The following ETFA variants were observed in gnomAD, a reference collection of about 807,000 sequenced individuals.
ETFA encodes the protein electron transfer flavoprotein subunit alpha, mitochondrial.
A neutral mutation model predicts 46.2 loss-of-function variants in ETFA; 22 were observed. The ratio of observed to expected loss-of-function variants is 0.48; its 90% CI spans 0.34 to 0.68. The LOEUF is 0.68. Among genes scored for constraint, ETFA ranks in the 30% least tolerant of loss-of-function variants. The pLI is 0.01. For missense variants in ETFA, 345 were observed against 401.1 expected, an observed-to-expected ratio of 0.86 and a Z score of 1.19; for synonymous variants, 131 against 139.9, an observed-to-expected ratio of 0.94 and a Z score of 0.45.
At chr15:76,260,904 C>G (rs942891288) in intron 9 of ETFA, 2 of 1,611,820 alleles carry the variant, frequency 1.2e-6, no homozygotes, top group African/African-American at 2.7e-5. Context: ...GACTTCCCAG[C>G]CTCCTGGGGC....
chr15:76,310,168 C>A (rs1447989033), intron 1 of ETFA: 1 of 155,460 alleles, frequency 6.4e-6, no homozygotes, highest in Non-Finnish European at 1.4e-5. Context: ...ATCGCTTGAA[C>A]CTGGGAGGCG....
intron 2 of ETFA, among the ~76,000 whole-genome samples, chr15:76,295,380 A>C (rs1327395290): frequency 6.6e-6 from 1 of 152,214 alleles, no homozygotes; most frequent in Non-Finnish European, 1.5e-5. Context: ...GAACTAAATC[A>C]AGTATTCTAC....
At position 76,260,838 on chromosome 15, in the gene ETFA, G is replaced by A. The variant is rs2039403268; in HGVS notation, c.816+13574C>T. On this transcript the variant is annotated intron_variant, in intron 9 of 11. Transcript: ENST00000557943. ...CACCCTGAGGCTGTAGCTGGTGGCA[G>A]GCACCAGGTCCCGGAGCAGGCAGGT... 15 of 1,611,272 alleles carry A rather than the reference G, an allele frequency of 9.3e-6. No individual in the cohort carries two copies. The East Asian group carries it at 3.1e-4, about 34-fold the overall frequency.
intron 1 of ETFA, among the ~76,000 whole-genome samples, chr15:76,300,617 T>C (rs1215995011): frequency 6.6e-6 from 1 of 152,226 alleles, no homozygotes; most frequent in East Asian, 1.9e-4. Context: ...TTTCTCTCAG[T>C]GATCGTTCCA....
At chr15:76,274,588 G>T in intron 8 of ETFA, 94 bp from the exon 9 acceptor site, 2 of 988,026 alleles carry the variant, frequency 2.0e-6, no homozygotes, top group Admixed American at 2.0e-5. Context: ...CATTGATTTA[G>T]AATTCTAAGT....
At chr15:76,283,940 C>A (rs2039680203) in intron 7 of ETFA, 115 bp from the exon 8 acceptor site, 8 of 718,316 alleles carry the variant, frequency 1.1e-5, no homozygotes, top group Non-Finnish European at 2.0e-5. Context: ...CCATATTAAG[C>A]ATGTCACCTC....
chr15:76,258,519 CTT>C (rs960395884), intron 9 of ETFA, among the ~76,000 whole-genome samples: 8 of 152,330 alleles, frequency 5.3e-5, no homozygotes, highest in African/African-American at 1.9e-4. Flanking sequence ...AAGAACATCT[CTT>C]TGTGACTTGG....
intron 9 of ETFA, among the ~76,000 whole-genome samples, chr15:76,241,006 C>A (rs2039180162): frequency 6.6e-6 from 1 of 151,402 alleles, no homozygotes; most frequent in South Asian, 2.1e-4. Context: ...GCTTCTATAC[C>A]AGTTCAGAGA....
intron 1 of ETFA, among the ~76,000 whole-genome samples, chr15:76,301,314 T>G (rs929271756): frequency 1.3e-5 from 2 of 152,246 alleles, no homozygotes; most frequent in Non-Finnish European, 2.9e-5. Flanking sequence ...CCTTTGATAC[T>G]GAGTACAGGA....
intron 2 of ETFA, among the ~76,000 whole-genome samples, chr15:76,295,070 T>G (rs535134621): frequency 6.6e-6 from 1 of 152,280 alleles, no homozygotes; most frequent in South Asian, 2.1e-4. Context: ...TCTAGAGGGT[T>G]AGTGTTCCAA....
intron 9 of ETFA, chr15:76,260,299 G>A (rs1451200557): frequency 3.1e-5 from 38 of 1,215,592 alleles, no homozygotes; most frequent in African/African-American, 7.5e-5. Flanking sequence ...GGCTCTCCCC[G>A]GGAAATGACA....
At chr15:76,239,023 T>C (rs895542458) in intron 9 of ETFA, among the ~76,000 whole-genome samples, 1 of 152,238 alleles carries the variant, frequency 6.6e-6, no homozygotes, top group African/African-American at 2.4e-5. Context: ...GCTCCTGTTT[T>C]ATTAGAATTC....
In ETFA at chr15:76,311,459, A is replaced by G. The variant is rs116149551; in HGVS notation, c.-71T>C. The G allele has an allele frequency of 1.1e-3, 1,695 of 1,528,614 alleles. 20 individuals are homozygous for G. The African/African-American group carries it at 0.019, about 17-fold the overall frequency. 94.7% of individuals were successfully genotyped at this position (1,528,614 alleles called of 1,614,324 possible). A position where few individuals can be genotyped will look rare whatever the true frequency, so the allele number is the denominator to read the frequency against. On this transcript the variant is annotated 5_prime_UTR_variant, in exon 1 of 12. Coordinates refer to ENST00000557943, the MANE Select transcript of ETFA (RefSeq NM_000126.4). ...CCGGCCAACTGGCGCCGCCTCAGCCAGTCACCTAATGCTCGCGAGACGCGC... is the reference window on the plus strand; with the variant it reads ...CCGGCCAACTGGCGCCGCCTCAGCCGGTCACCTAATGCTCGCGAGACGCGC...
At chr15:76,229,396 T>TC (rs1168673919) in intron 10 of ETFA, among the ~76,000 whole-genome samples, 1 of 152,182 alleles carries the variant, frequency 6.6e-6, no homozygotes, top group Non-Finnish European at 1.5e-5. Context: ...AACACCAGTC[T>TC]CCTTACTTCA....
At position 76,288,007 on chromosome 15, in the gene ETFA, C is replaced by A. The variant is rs1460276550; in HGVS notation, c.352-62G>T. On this transcript the variant is annotated intron_variant, in intron 4 of 11. Transcript: ENST00000557943. ...ATAGTGATGGAAGACTATAAATGATCAGTAATGACATATTCTAAATGCATA... is the reference window on the plus strand; with the variant it reads ...ATAGTGATGGAAGACTATAAATGATAAGTAATGACATATTCTAAATGCATA... 7.9e-6 allele frequency: 8 copies of A among 1,007,830 alleles called. No homozygotes were observed. The South Asian group carries it at 9.0e-5, about 11-fold the overall frequency. 62.4% of individuals were successfully genotyped at this position (1,007,830 alleles called of 1,614,324 possible). A position where few individuals can be genotyped will look rare whatever the true frequency, so the allele number is the denominator to read the frequency against.
At chr15:76,246,874 C>G (rs1483290764) in intron 9 of ETFA, among the ~76,000 whole-genome samples, 1 of 151,400 alleles carries the variant, frequency 6.6e-6, no homozygotes, top group East Asian at 1.9e-4. Flanking sequence ...AAAGATGAAG[C>G]AAAATTTCAT....
chr15:76,231,383 C>A lies in ETFA; in HGVS notation c.832G>T (p.Val278Phe), dbSNP rs760469184. 1 of 1,601,192 alleles carries A rather than the reference C, an allele frequency of 6.2e-7. No individual in the cohort carries two copies. The highest frequency in any genetic ancestry group is 1.1e-5 in the South Asian group (1 of 90,802). The change falls in exon 10 of 12, where the codon GTT (valine) becomes TTT (phenylalanine). Residue 278 changes from valine (V) to phenylalanine (F), a missense_variant. Transcript: ENST00000557943. ...TGTTGGATGGCTCCAGATATTCCAA[C>A]AGCAATATAAAGTTCCTGAAATAAA... ...KIVAPELYIA[V>F]GISGAIQHLA...
At chr15:76,244,303 G>A (rs2039223308) in intron 9 of ETFA, among the ~76,000 whole-genome samples, 2 of 152,150 alleles carry the variant, frequency 1.3e-5, no homozygotes, top group Admixed American at 1.3e-4. Context: ...CTTGTAATAT[G>A]GAAAATAGTA....
At chr15:76,236,333 A>G (rs1378531054) in intron 9 of ETFA, among the ~76,000 whole-genome samples, 2 of 152,216 alleles carry the variant, frequency 1.3e-5, no homozygotes, top group Non-Finnish European at 2.9e-5. Flanking sequence ...ATTAAAGTAA[A>G]AATAAACAGG....
Sources: allele counts gnomAD v4.1 joint callset (sites outside exome capture counted in the v4.1 genomes callset), GRCh38; gene constraint gnomAD v4.1.1; transcripts MANE v1.5; gene names NCBI Gene and HGNC (gene_info 2026-07-23, HGNC 2026-07-21).